The following MMP2 variants were observed in gnomAD, a reference collection of about 807,000 sequenced individuals.
The protein encoded by MMP2 is 72 kDa type IV collagenase.
Under a neutral mutation model 74.8 loss-of-function variants are expected in MMP2, and 39 were observed. That is an observed-to-expected ratio of 0.52 (90% CI 0.40 to 0.68). MMP2 has a LOEUF of 0.68. MMP2 is among the 30% of genes least tolerant of loss of function. The pLI is 0.00. For synonymous variants in MMP2, 367 were observed against 339.8 expected (o/e 1.08, Z -0.88); for missense variants, 803 against 878.3 (o/e 0.91, Z 1.08).
At chr16:55,488,780 C>T in intron 6 of MMP2, 64 bp downstream of exon 6, 2 of 1,509,230 alleles carry the variant, frequency 1.3e-6, no homozygotes, top group African/African-American at 1.4e-5. Context: ...AAAAAAAACC[C>T]ATAAGACTCC....
chr16:55,489,620 T>G, intron 6 of MMP2, 31 bp from the exon 7 acceptor site: 1 of 1,612,924 alleles, frequency 6.2e-7, no homozygotes, highest in Non-Finnish European at 8.5e-7. Flanking sequence ...GACTCTTTGC[T>G]GCGCCTTGAC....
At chr16:55,483,709 G>A (rs1185362441) in intron 2 of MMP2, among the ~76,000 whole-genome samples, 2 of 152,162 alleles carry the variant, frequency 1.3e-5, no homozygotes, top group Non-Finnish European at 2.9e-5. Context: ...AGAAGTGACA[G>A]ATGGAACTCC....
intron 2 of MMP2, 62 bp from the exon 3 acceptor site, chr16:55,483,954 C>G: frequency 6.4e-7 from 1 of 1,551,624 alleles, no homozygotes; most frequent in Non-Finnish European, 8.9e-7. Context: ...CACACACATA[C>G]TTGCATATAC....
intron 10 of MMP2, among the ~76,000 whole-genome samples, chr16:55,497,702 A>G (rs1962564150): frequency 6.6e-6 from 1 of 152,244 alleles, no homozygotes. Flanking sequence ...AGGTTTACTC[A>G]TTTAACATTT....
In MMP2 at chr16:55,496,776, A is replaced by T. The variant is rs150218481; in HGVS notation, c.1473-150A>T. ...CAGACAGGAACTCTGCCCGTTCTCC[A>T]GTCCTTCTCCAACCTTCCTTTGATC... On this transcript the variant is annotated intron_variant, in intron 9 of 12. Coordinates refer to ENST00000219070, the MANE Select transcript of MMP2 (RefSeq NM_004530.6). 3,738 of 1,061,986 alleles carry T rather than the reference A, an allele frequency of 3.5e-3. 20 individuals carry two copies. The highest frequency in any genetic ancestry group is 4.7e-3 in the Non-Finnish European group (3,329 of 714,848). 65.8% of individuals were successfully genotyped at this position (1,061,986 alleles called of 1,614,324 possible).
chr16:55,479,385 C>T lies in MMP2; in HGVS notation c.-95C>T, dbSNP rs1225384158. ...GCCAGCGGACCCTCGGAGCGCAGCC[C>T]TGCGCCGCGGAGCAGGCTCCAACCA... On this transcript the variant is annotated 5_prime_UTR_variant, in exon 1 of 13. Coordinates refer to ENST00000219070, the MANE Select transcript of MMP2 (RefSeq NM_004530.6). The T allele has an allele frequency of 3.7e-6, 5 of 1,338,514 alleles. No homozygotes were observed. The African/African-American group carries it at 7.8e-5, about 21-fold the overall frequency. 82.9% of individuals were successfully genotyped at this position (1,338,514 alleles called of 1,614,324 possible). A position where few individuals can be genotyped will look rare whatever the true frequency, so the allele number is the denominator to read the frequency against.
chr16:55,481,819 G>T (rs1351840494), intron 1 of MMP2: 3 of 747,346 alleles, frequency 4.0e-6, no homozygotes, highest in Admixed American at 3.7e-5. Context: ...TCTGCAAACT[G>T]GGAAATTTCC....
rs1215961278 is a variant in MMP2, at chr16:55,485,609, C to A, written c.664C>A (p.Arg222Ser). Residue 222 changes from arginine (R) to serine (S), a missense_variant, in exon 5 of 13, where the codon CGT becomes AGT. This residue lies in a region of MMP2 where 555 missense variants were observed against 592.0 expected (regional missense o/e 0.94). Transcript: ENST00000219070. ...LWTLGEGQVV[R>S]VKYGNADGEY... The stretch of plus-strand genomic sequence containing the variant: ...CCTTCCATGTCACTCTTTAGTGGTC[C>A]GTGTGAAGTATGGGAACGCCGATGG... 1.2e-6 allele frequency: 2 copies of A among 1,613,902 alleles called. No homozygotes were observed. The highest frequency in any genetic ancestry group is 1.3e-5 in the African/African-American group (1 of 74,866).
intron 5 of MMP2, 76 bp downstream of exon 5, chr16:55,485,853 C>T: frequency 2.7e-6 from 4 of 1,468,052 alleles, no homozygotes; most frequent in Non-Finnish European, 3.8e-6. Context: ...GTGCTCTTCC[C>T]TCCACACTCT....
At chr16:55,499,202 A>T (rs1962605758) in intron 11 of MMP2, among the ~76,000 whole-genome samples, 1 of 151,756 alleles carries the variant, frequency 6.6e-6, no homozygotes, top group Non-Finnish European at 1.5e-5. Context: ...AAGGTTAAGT[A>T]ACCAGCTTGG....
At chr16:55,497,340 G>GA (rs17859976) in intron 10 of MMP2, among the ~76,000 whole-genome samples, 140,643 of 152,236 alleles carry the variant, frequency 0.92, 65,049 homozygotes, top group African/African-American at 0.95. Flanking sequence ...TTTTCTAGAA[G>GA]AAAAAAAGTC....
At position 55,488,565 on chromosome 16, in the gene MMP2, C is replaced by T. The variant is rs760006274; in HGVS notation, c.855C>T (p.Asn285=). 72 of 1,613,890 alleles carry T rather than the reference C, an allele frequency of 4.5e-5. No individual in the cohort carries two copies. Among genetic ancestry groups the T allele is most frequent in the East Asian group, 4.5e-5 (2 of 44,890 alleles). ...TAGCCCTGTTCACCATGGGCGGCAA[C>T]GCTGAAGGACAGCCCTGCAAGTTTC... ...PHEALFTMGG[N]AEGQPCKFPF... Residue 285 remains asparagine, a synonymous_variant, in exon 6 of 13, where the codon AAC becomes AAT. Transcript: ENST00000219070.
intron 5 of MMP2, among the ~76,000 whole-genome samples, chr16:55,486,353 G>C (rs1483880841): frequency 1.5e-5 from 1 of 65,698 alleles, no homozygotes; most frequent in African/African-American, 4.7e-5. Context: ...GTGCCTGTGT[G>C]TGTGTGTGTG....
chr16:55,505,944 G>A lies in MMP2; in HGVS notation c.*502G>A, dbSNP rs533480220. 2 of 167,244 alleles carry A rather than the reference G, an allele frequency of 1.2e-5. No individual in the cohort carries two copies. Among genetic ancestry groups the A allele is most frequent in the African/African-American group, 4.8e-5 (2 of 41,756 alleles). 10.4% of individuals were successfully genotyped at this position (167,244 alleles called of 1,614,324 possible). On this transcript the variant is annotated 3_prime_UTR_variant, in exon 13 of 13. Coordinates refer to ENST00000219070, the MANE Select transcript of MMP2 (RefSeq NM_004530.6). Reference sequence around the variant, plus strand: ...CCTTAGAACCTTTCTTACATTAGCAGTTTGCTTTGTATGCACTTTGTTTTT... The same window carrying A: ...CCTTAGAACCTTTCTTACATTAGCAATTTGCTTTGTATGCACTTTGTTTTT...
At chr16:55,488,327 C>T in intron 5 of MMP2, 1 of 586,970 alleles carries the variant, frequency 1.7e-6, no homozygotes, top group Admixed American at 2.8e-5. Flanking sequence ...GGGTGGTCCA[C>T]AAGGTCCCAC....
intron 1 of MMP2, among the ~76,000 whole-genome samples, chr16:55,482,213 G>A (rs1458274052): frequency 1.3e-5 from 2 of 152,174 alleles, no homozygotes; most frequent in Admixed American, 6.5e-5. Flanking sequence ...CTGAACCTCT[G>A]CAGGGACCTG....
chr16:55,484,766 G>C (rs17859881), intron 3 of MMP2, among the ~76,000 whole-genome samples: 1 of 152,184 alleles, frequency 6.6e-6, no homozygotes, highest in East Asian at 1.9e-4. Context: ...CAGACATAAA[G>C]GTATGTGGTA....
At chr16:55,491,702 G>C (rs1471895696) in intron 7 of MMP2, 99 bp from the exon 8 acceptor site, 1 of 1,350,454 alleles carries the variant, frequency 7.4e-7, no homozygotes, top group East Asian at 2.3e-5. Flanking sequence ...GCCTTACTGT[G>C]GGGCTGTCCT....
At position 55,493,296 on chromosome 16, in the gene MMP2, G is replaced by A. The variant is rs746292016; in HGVS notation, c.1472+3G>A. 1 of 1,614,160 alleles carries A rather than the reference G, an allele frequency of 6.2e-7. No homozygotes were observed. The highest frequency in any genetic ancestry group is 2.2e-5 in the East Asian group (1 of 44,866). Reference sequence around the variant, plus strand: ...GAGATCTTCTTCTTCAAGGACCGGTGAGTGCAGGAGCTTGCTTCTTGTCCT... The same window carrying A: ...GAGATCTTCTTCTTCAAGGACCGGTAAGTGCAGGAGCTTGCTTCTTGTCCT... On this transcript the variant is annotated splice_donor_region_variant and intron_variant, in intron 9 of 12. Transcript: ENST00000219070.
Sources: gnomAD v4.1 joint callset for allele counts (sites outside exome capture counted in the v4.1 genomes callset) on GRCh38, gnomAD v4.1.1 for gene constraint, gnomAD v4.1.1 regional missense constraint, MANE v1.5 for transcripts, NCBI Gene and HGNC (gene_info 2026-07-23, HGNC 2026-07-21) for gene names.